HDAC9: variants seen among roughly 807,000 people sequenced by gnomAD.
The protein encoded by HDAC9 is MEF-2 interacting transcription repressor (MITR) protein.
HDAC9 carries 41 observed loss-of-function variants against 139.4 expected under a neutral mutation model. That is an observed-to-expected ratio of 0.29 (90% confidence interval 0.23 to 0.38). The LOEUF (loss-of-function observed/expected upper bound fraction) is 0.38. HDAC9 is among the 10% of genes least tolerant of loss of function. HDAC9 has a pLI of 1.00. For synonymous variants in HDAC9, 517 were observed against 476.2 expected (o/e 1.09, Z -1.12); for missense variants, 1,147 against 1,297.0 (o/e 0.88, Z 1.78).
intron 1 of HDAC9, among the ~76,000 whole-genome samples, chr7:18,404,245 G>T (rs999672750): frequency 1.3e-5 from 2 of 152,098 alleles, no homozygotes; most frequent in Non-Finnish European, 2.9e-5. Flanking sequence ...GGTATCTATT[G>T]ATTGACAAGT....
At position 18,635,762 on chromosome 7, in the gene HDAC9, C is replaced by T. The variant is rs372574590; in HGVS notation, c.912+1020C>T. On this transcript the variant is annotated intron_variant, in intron 8 of 25. Coordinates refer to ENST00000686413, the MANE Select transcript of HDAC9 (RefSeq NM_178425.4). ...TACCTTGAGACAGAAAGGGACTGGT[C>T]AAGTCTCTTATTCTTGGATCATCTC... is the stretch of plus-strand genomic sequence containing the variant. Among the ~76,000 whole-genome samples, 4 of 151,992 alleles carry T rather than the reference C, an allele frequency of 2.6e-5. No individual in the cohort carries two copies. In the East Asian group the frequency reaches 7.7e-4, roughly 29 times the overall value.
chr7:18,255,881 C>A (rs949856731), intron 2 of HDAC9, among the ~76,000 whole-genome samples: 1 of 152,036 alleles, frequency 6.6e-6, no homozygotes, highest in Non-Finnish European at 1.5e-5. Context: ...CCCGCCTCGG[C>A]CTCCCAAAGT....
chr7:18,604,769 T>C (rs1201068472), intron 6 of HDAC9, among the ~76,000 whole-genome samples: 1 of 152,164 alleles, frequency 6.6e-6, no homozygotes, highest in African/African-American at 2.4e-5. Context: ...TTCCTAGAGT[T>C]TCCATTTCTC....
At chr7:18,760,633 A>G (rs1320348372) in intron 14 of HDAC9, among the ~76,000 whole-genome samples, 4 of 152,230 alleles carry the variant, frequency 2.6e-5, no homozygotes, top group Non-Finnish European at 4.4e-5. Flanking sequence ...ATGATATACA[A>G]AGAAAGTTCC....
chr7:18,894,413 C>G (rs919909472), intron 22 of HDAC9, among the ~76,000 whole-genome samples: 5 of 151,936 alleles, frequency 3.3e-5, no homozygotes, highest in African/African-American at 1.2e-4. Context: ...CCAATGGAGG[C>G]AAGCCGTTCA....
chr7:18,158,501 G>A (rs111563904), intron 1 of HDAC9, among the ~76,000 whole-genome samples: 77 of 152,262 alleles, frequency 5.1e-4, no homozygotes, highest in Non-Finnish European at 9.0e-4. Context: ...TTGCAATGCC[G>A]CGAAGAAAGC....
At chr7:18,583,037 C>A (rs1828307065) in intron 2 of HDAC9, among the ~76,000 whole-genome samples, 1 of 151,826 alleles carries the variant, frequency 6.6e-6, no homozygotes. Flanking sequence ...TTGTTGCATT[C>A]TTTTATTTGT....
At chr7:18,306,183 C>T (rs1798895796) in intron 1 of HDAC9, among the ~76,000 whole-genome samples, 1 of 152,174 alleles carries the variant, frequency 6.6e-6, no homozygotes, top group South Asian at 2.1e-4. Context: ...ACAACAGGCA[C>T]ACAGGGTGAG....
At chr7:18,850,495 A>C (rs1209608510) in intron 21 of HDAC9, among the ~76,000 whole-genome samples, 1 of 152,182 alleles carries the variant, frequency 6.6e-6, no homozygotes, top group Non-Finnish European at 1.5e-5. Flanking sequence ...TCCTGAGCCA[A>C]ACATAATGAA....
rs532860057 is a variant in HDAC9, at chr7:18,441,917, G to A, written c.-41-54345G>A. ...CGAGTAGCTGGGACTACGGGCGCCCGCTACCACGCCCGGCTAACTTTTTTT... is the reference window on the plus strand; with the variant it reads ...CGAGTAGCTGGGACTACGGGCGCCCACTACCACGCCCGGCTAACTTTTTTT... On this transcript the variant is annotated intron_variant, in intron 1 of 3. Transcript: ENST00000413509. Among the ~76,000 whole-genome samples, 5 of 152,122 alleles carry A rather than the reference G, an allele frequency of 3.3e-5. 1 individual carries two copies. Among genetic ancestry groups the A allele is most frequent in the African/African-American group, 9.6e-5 (4 of 41,534 alleles).
At chr7:18,599,240 G>T (rs1336199003) in intron 6 of HDAC9, among the ~76,000 whole-genome samples, 2 of 152,106 alleles carry the variant, frequency 1.3e-5, no homozygotes, top group African/African-American at 2.4e-5. Flanking sequence ...CTAGGTTTCT[G>T]CTTTTTAAAT....
At chr7:18,344,317 G>A (rs999618590) in intron 1 of HDAC9, among the ~76,000 whole-genome samples, 15 of 151,716 alleles carry the variant, frequency 9.9e-5, no homozygotes, top group African/African-American at 3.6e-4. Context: ...AGCACTTTAC[G>A]GATATTATTT....
intron 23 of HDAC9, among the ~76,000 whole-genome samples, chr7:18,943,793 A>G (rs573329004): frequency 1.3e-5 from 2 of 152,212 alleles, no homozygotes; most frequent in Admixed American, 6.5e-5. Context: ...TGTTACTCTC[A>G]TAAGACTTAT....
intron 1 of HDAC9, among the ~76,000 whole-genome samples, chr7:18,124,737 A>G (rs1158866266): frequency 1.3e-5 from 2 of 151,946 alleles, no homozygotes; most frequent in Non-Finnish European, 2.9e-5. Flanking sequence ...GGTTCCTTCC[A>G]TTTGCCTTGC....
At chr7:18,283,493 G>C (rs952625125) in intron 2 of HDAC9, among the ~76,000 whole-genome samples, 7 of 152,260 alleles carry the variant, frequency 4.6e-5, no homozygotes, top group Non-Finnish European at 8.8e-5. Flanking sequence ...AAATGTAGTG[G>C]AATACCAAGT....
intron 1 of HDAC9, among the ~76,000 whole-genome samples, chr7:18,407,730 G>A (rs1788148786): frequency 6.6e-6 from 1 of 152,150 alleles, no homozygotes; most frequent in Non-Finnish European, 1.5e-5. Context: ...TGGCAGAACT[G>A]TTTTTCATAT....
intron 22 of HDAC9, among the ~76,000 whole-genome samples, chr7:18,924,239 T>C (rs1276531103): frequency 6.6e-6 from 1 of 152,158 alleles, no homozygotes; most frequent in African/African-American, 2.4e-5. Context: ...TAAGTATTTC[T>C]ATTAAATGGT....
intron 2 of HDAC9, among the ~76,000 whole-genome samples, chr7:18,191,171 T>G (rs1790328173): frequency 6.6e-6 from 1 of 152,224 alleles, no homozygotes. Flanking sequence ...TAACACATTA[T>G]TTTATGTTGT....
At chr7:18,872,352 G>A (rs1193952423) in intron 21 of HDAC9, among the ~76,000 whole-genome samples, 1 of 152,116 alleles carries the variant, frequency 6.6e-6, no homozygotes. Context: ...TGTGCAATTT[G>A]CTTCAGATAG....
Sources: allele counts gnomAD v4.1 joint callset (sites outside exome capture counted in the v4.1 genomes callset), GRCh38; gene constraint gnomAD v4.1.1; transcripts MANE v1.5; gene names NCBI Gene and HGNC (gene_info 2026-07-23, HGNC 2026-07-21).